SLC35F5: variants seen among roughly 807,000 people sequenced by gnomAD.
SLC35F5 encodes HCV NS5A-transactivated protein 3.
In SLC35F5, 54 loss-of-function variants were observed where a neutral mutation model predicts 68.6. The observed-to-expected ratio is 0.79, with a 90% CI of 0.63 to 0.99. SLC35F5 has a LOEUF of 0.99. Ranked by LOEUF, SLC35F5 falls within the 50% of genes least tolerant of loss-of-function variation. The pLI is 0.00. For missense variants in SLC35F5, 567 were observed against 626.9 expected (o/e 0.90, Z 1.02); for synonymous variants, 211 against 205.2 (o/e 1.03, Z -0.24).
At chr2:113,741,719 G>C (rs947631455) in intron 7 of SLC35F5, among the ~76,000 whole-genome samples, 6 of 145,050 alleles carry the variant, frequency 4.1e-5, no homozygotes, top group African/African-American at 1.5e-4. Context: ...AAAAAAGATC[G>C]AAATGGTATA....
Position 113,750,454 on chromosome 2 carries a change from T to C in SLC35F5, c.388A>G (p.Arg130Gly). ...IWKPWRQQCT[R>G]GLRGKHAAFF... Reference sequence around the variant, plus strand: ...GCAGCATGCTTTCCGCGAAGTCCTCTTGTACACTGTTGTCTCCATGGCTTC... The same window carrying C: ...GCAGCATGCTTTCCGCGAAGTCCTCCTGTACACTGTTGTCTCCATGGCTTC... The change falls in exon 4 of 16, where the codon AGA (arginine) becomes GGA (glycine). Residue 130 changes from arginine (R) to glycine (G), a missense_variant. By Grantham distance (125) the Arg-to-Gly change is moderately radical. Transcript: ENST00000245680. 6.2e-7 allele frequency: 1 copy of C among 1,611,640 alleles called. No homozygotes were observed.
intron 3 of SLC35F5, 58 bp downstream of exon 3, chr2:113,755,107 G>A: frequency 1.3e-6 from 2 of 1,556,232 alleles, no homozygotes; most frequent in South Asian, 1.1e-5. Flanking sequence ...GTTACTACAG[G>A]TTAAGAGTTA....
chr2:113,735,255 C>A (rs948498417), intron 8 of SLC35F5, among the ~76,000 whole-genome samples: 1 of 152,262 alleles, frequency 6.6e-6, no homozygotes, highest in East Asian at 1.9e-4. Flanking sequence ...ACATAAATAG[C>A]ACAGGCTAAG....
chr2:113,746,112 C>T (rs1368158932), intron 5 of SLC35F5, among the ~76,000 whole-genome samples, 165 bp downstream of exon 5: 1 of 152,180 alleles, frequency 6.6e-6, no homozygotes, highest in Non-Finnish European at 1.5e-5. Context: ...CCCCAGGTAA[C>T]CCTAAGGAGA....
intron 3 of SLC35F5, among the ~76,000 whole-genome samples, 186 bp from the exon 4 acceptor site, chr2:113,750,754 G>A (rs931734459): frequency 6.6e-5 from 10 of 152,186 alleles, no homozygotes; most frequent in African/African-American, 2.4e-4. Flanking sequence ...ACACAGAAGG[G>A]CACCACCAAA....
chr2:113,722,767 T>C (rs1687496487), intron 13 of SLC35F5, among the ~76,000 whole-genome samples: 1 of 152,208 alleles, frequency 6.6e-6, no homozygotes, highest in African/African-American at 2.4e-5. Context: ...TTAAGGAGCC[T>C]GTGATAGGGT....
At chr2:113,741,063 G>T (rs1676253432) in intron 7 of SLC35F5, among the ~76,000 whole-genome samples, 1 of 152,216 alleles carries the variant, frequency 6.6e-6, no homozygotes. Flanking sequence ...ATAAACAAAA[G>T]ATGGTATATC....
chr2:113,738,389 C>T (rs749017884), intron 7 of SLC35F5, among the ~76,000 whole-genome samples: 9 of 152,036 alleles, frequency 5.9e-5, no homozygotes, highest in Non-Finnish European at 8.8e-5. Context: ...AGCATAATGT[C>T]TTTCAGGTTT....
At chr2:113,748,774 T>G (rs193022303) in intron 4 of SLC35F5, among the ~76,000 whole-genome samples, 9 of 152,296 alleles carry the variant, frequency 5.9e-5, no homozygotes, top group Non-Finnish European at 1.3e-4. Flanking sequence ...ATTTGCAGGC[T>G]TCACCTACAT....
At chr2:113,755,728 C>T (rs1413288391) in intron 1 of SLC35F5, 184 bp from the exon 2 acceptor site, 1 of 1,055,674 alleles carries the variant, frequency 9.5e-7, no homozygotes, top group Non-Finnish European at 1.4e-6. Context: ...TCAGATTATA[C>T]TTAGAGAGAT....
At position 113,725,509 on chromosome 2, in the gene SLC35F5, G is replaced by A. The variant is rs1226664298; in HGVS notation, c.1119C>T (p.Leu373=). Residue 373 remains leucine, a synonymous_variant, in exon 12 of 16, where the codon CTC becomes CTT. Transcript: ENST00000245680. ...GAAGTAAAAAGAAACCTGGCCATAAGAGCAGCAGATTAAACAAACCTACAA... is the reference window on the plus strand; with the variant it reads ...GAAGTAAAAAGAAACCTGGCCATAAAAGCAGCAGATTAAACAAACCTACAA... ...FGFVGLFNLL[L]LWPGFFLLHY... 1.3e-6 allele frequency: 2 copies of A among 1,593,034 alleles called. No homozygotes were observed. The highest frequency in any genetic ancestry group is 1.7e-6 in the Non-Finnish European group (2 of 1,174,978).
At chr2:113,704,399 C>T (rs909218971), downstream of SLC35F5, among the ~76,000 whole-genome samples, 56 of 152,332 alleles carry the variant, frequency 3.7e-4, no homozygotes, top group African/African-American at 6.3e-4. Flanking sequence ...TGGAGCTGCC[C>T]GCCAGTCCCG....
intron 7 of SLC35F5, among the ~76,000 whole-genome samples, chr2:113,741,073 C>T (rs1676254197): frequency 6.6e-6 from 1 of 152,146 alleles, no homozygotes; most frequent in Non-Finnish European, 1.5e-5. Context: ...GATGGTATAT[C>T]TGTACAATGA....
intron 10 of SLC35F5, 30 bp from the exon 11 acceptor site, chr2:113,729,535 C>T (rs1687802232): frequency 8.5e-7 from 1 of 1,172,976 alleles, no homozygotes; most frequent in Admixed American, 2.0e-5. Context: ...TTAAAGCAAT[C>T]ACTCATTAGC....
rs60727155 is a variant in SLC35F5 at position 113,750,443 on chromosome 2, G to A, written c.399C>T (p.Arg133=). 4.8e-4 allele frequency: 770 copies of A among 1,599,730 alleles called. 1 individual carries two copies. The African/African-American group carries it at 6.0e-3, about 12-fold the overall frequency. The change falls in exon 4 of 16, where the codon CGC becomes CGT. Residue 133 remains arginine (R), a synonymous_variant. Transcript: ENST00000245680. ...PWRQQCTRGL[R]GKHAAFFADA... ...AACTTACAAAAGCAGCATGCTTTCC[G>A]CGAAGTCCTCTTGTACACTGTTGTC...
intron 3 of SLC35F5, among the ~76,000 whole-genome samples, chr2:113,751,289 A>AC (rs1676727498): frequency 6.6e-6 from 1 of 152,234 alleles, no homozygotes; most frequent in South Asian, 2.1e-4. Context: ...ACGGAGCACC[A>AC]AAAGGAGACT....
At chr2:113,738,260 C>G (rs1284708940) in intron 7 of SLC35F5, among the ~76,000 whole-genome samples, 2 of 152,146 alleles carry the variant, frequency 1.3e-5, no homozygotes, top group African/African-American at 4.8e-5. Context: ...CCCCATTTCC[C>G]TACCATTCTA....
At chr2:113,745,492 T>C (rs1213602211) in intron 5 of SLC35F5, among the ~76,000 whole-genome samples, 1 of 152,132 alleles carries the variant, frequency 6.6e-6, no homozygotes, top group Non-Finnish European at 1.5e-5. Context: ...GATGCCACCC[T>C]GAGCAACATA....
intron 5 of SLC35F5, 100 bp from the exon 6 acceptor site, chr2:113,743,894 C>T (rs1346843172): frequency 7.6e-6 from 7 of 921,758 alleles, no homozygotes; most frequent in Non-Finnish European, 9.4e-6. Context: ...CCATCTAAAA[C>T]GTGGTTGTTC....
Sources: gnomAD v4.1 joint callset for allele counts (sites outside exome capture counted in the v4.1 genomes callset) on GRCh38, gnomAD v4.1.1 for gene constraint, MANE v1.5 for transcripts, NCBI Gene and HGNC (gene_info 2026-07-23, HGNC 2026-07-21) for gene names.